IL22RA2: variants seen among roughly 807,000 people sequenced by gnomAD.
IL22RA2 encodes interleukin-22 receptor subunit alpha-2.
Under a neutral mutation model 30.7 loss-of-function variants are expected in IL22RA2, and 39 were observed. The observed-to-expected ratio is 1.27, with a 90% CI of 0.98 to 1.66. IL22RA2 has a LOEUF of 1.66. Among genes scored for constraint, IL22RA2 ranks in the 40% most tolerant of loss-of-function variants. The pLI is 0.00. For missense variants in IL22RA2, 315 were observed against 312.7 expected (o/e 1.01, Z -0.05); for synonymous variants, 103 against 105.0 (o/e 0.98, Z 0.11).
At position 137,143,938 on chromosome 6, in the gene IL22RA2, C is replaced by A. The variant is rs1778123238; in HGVS notation, c.*1686G>T. ...ACTTGCCTAAGCACAAAAGCAAAAA[C>A]AGAGCAAGGCAAACAATATACAAAC... On this transcript the variant is annotated 3_prime_UTR_variant, in exon 7 of 7. Transcript: ENST00000296980. 1 of 152,076 alleles carries A rather than the reference C, an allele frequency of 6.6e-6. No homozygotes were observed. Among genetic ancestry groups the A allele is most frequent in the Non-Finnish European group, 1.5e-5 (1 of 68,004 alleles). 9.4% of individuals were successfully genotyped at this position (152,076 alleles called of 1,614,324 possible).
chr6:137,162,368 G>A lies in IL22RA2; in HGVS notation c.-65-554C>T, dbSNP rs369810274. ...CTGGCTCTCCACGGGGCTCCCTGCCGTACTCTTCAGCCTTTCCCACTCCAT... is the reference window on the plus strand; with the variant it reads ...CTGGCTCTCCACGGGGCTCCCTGCCATACTCTTCAGCCTTTCCCACTCCAT... On this transcript the variant is annotated intron_variant, in intron 1 of 6. Transcript: ENST00000296980. Among the ~76,000 whole-genome samples, 28 of 152,204 alleles carry A rather than the reference G, an allele frequency of 1.8e-4. 1 individual carries two copies. The highest frequency in any genetic ancestry group is 5.8e-4 in the East Asian group (3 of 5,190).
At chr6:137,146,506 CT>C (rs1562267048) in intron 6 of IL22RA2, among the ~76,000 whole-genome samples, 2 of 152,186 alleles carry the variant, frequency 1.3e-5, no homozygotes, top group African/African-American at 4.8e-5. Flanking sequence ...TGCCGGCACT[CT>C]ACGTCCTGCC....
intron 4 of IL22RA2, among the ~76,000 whole-genome samples, chr6:137,155,762 G>A (rs781676365): frequency 3.3e-5 from 5 of 152,104 alleles, no homozygotes; most frequent in Non-Finnish European, 7.4e-5. Context: ...CTGTCTTGCT[G>A]GAAGATAAAC....
Position 137,145,342 on chromosome 6 carries a change from G to T in IL22RA2, c.*282C>A. ...TAGAAGAATGAAGGTTGTTATTAGGGATGTTACATTCAGAAATAAAGTTCT... is the reference window on the plus strand; with the variant it reads ...TAGAAGAATGAAGGTTGTTATTAGGTATGTTACATTCAGAAATAAAGTTCT... On this transcript the variant is annotated 3_prime_UTR_variant, in exon 7 of 7. Coordinates refer to ENST00000296980, the MANE Select transcript of IL22RA2 (RefSeq NM_052962.3). 1 of 255,118 alleles carries T rather than the reference G, an allele frequency of 3.9e-6. No individual in the cohort carries two copies. Among genetic ancestry groups the T allele is most frequent in the Non-Finnish European group, 7.4e-6 (1 of 135,790 alleles). 15.8% of individuals were successfully genotyped at this position (255,118 alleles called of 1,614,324 possible). A position where few individuals can be genotyped will look rare whatever the true frequency, so the allele number is the denominator to read the frequency against.
chr6:137,169,824 G>A (rs547780551), intron 1 of IL22RA2, among the ~76,000 whole-genome samples: 1 of 152,308 alleles, frequency 6.6e-6, no homozygotes, highest in African/African-American at 2.4e-5. Context: ...AGCTTCAGAA[G>A]GGGGTTTGTG....
intron 5 of IL22RA2, among the ~76,000 whole-genome samples, chr6:137,153,223 T>A (rs1488168852): frequency 6.6e-6 from 1 of 152,142 alleles, no homozygotes; most frequent in Non-Finnish European, 1.5e-5. Flanking sequence ...CTTAAGTTAA[T>A]GTGAAAGGAG....
At chr6:137,164,279 T>G (rs1778583886) in intron 1 of IL22RA2, among the ~76,000 whole-genome samples, 1 of 152,124 alleles carries the variant, frequency 6.6e-6, no homozygotes, top group Non-Finnish European at 1.5e-5. Flanking sequence ...GGGAGATAAT[T>G]GGCCGAGTGT....
At position 137,158,502 on chromosome 6, in the gene IL22RA2, A is replaced by G; in HGVS notation, c.62-20T>C. 1 of 1,613,370 alleles carries G rather than the reference A, an allele frequency of 6.2e-7. No individual in the cohort carries two copies. Among genetic ancestry groups the G allele is most frequent in the Non-Finnish European group, 8.5e-7 (1 of 1,179,560 alleles). On this transcript the variant is annotated intron_variant, in intron 2 of 6. Coordinates refer to ENST00000296980, the MANE Select transcript of IL22RA2 (RefSeq NM_052962.3). ...GAGTTCCTAAGATAATAAGAGAAGG[A>G]AGAACATTGAACGTTGCTTGGAGCA... is the stretch of plus-strand genomic sequence containing the variant.
chr6:137,162,660 A>C (rs539099637), intron 1 of IL22RA2, among the ~76,000 whole-genome samples: 2 of 152,302 alleles, frequency 1.3e-5, no homozygotes, highest in Non-Finnish European at 2.9e-5. Context: ...AGAGATACTA[A>C]AATTATACAT....
chr6:137,158,834 C>A (rs1406135489), intron 2 of IL22RA2, among the ~76,000 whole-genome samples: 2 of 152,054 alleles, frequency 1.3e-5, no homozygotes, highest in Non-Finnish European at 2.9e-5. Flanking sequence ...ACACTAAGAC[C>A]ACCAACCATC....
chr6:137,158,470 G>A lies in IL22RA2; in HGVS notation c.74C>T (p.Thr25Met), dbSNP rs761065579. The change falls in exon 3 of 7, where the codon ACG becomes ATG. Residue 25 changes from threonine to methionine, a missense_variant. Thr to Met is a moderately conservative substitution (Grantham distance 81). Transcript: ENST00000296980. ...FLTGVAGTQS[T>M]HESLKPQRVQ... ...CCTCTGAGGCTTCAGAGACTCATGC[G>A]TTGACTGAGTTCCTAAGATAATAAG... The A allele has an allele frequency of 5.5e-5, 88 of 1,613,840 alleles. No homozygotes were observed. The highest frequency in any genetic ancestry group is 6.8e-5 in the Non-Finnish European group (80 of 1,179,894).
Position 137,147,892 on chromosome 6 carries a change from C to G in IL22RA2, c.473-1G>C. 6.2e-7 allele frequency: 1 copy of G among 1,605,942 alleles called. No homozygotes were observed. Among genetic ancestry groups the G allele is most frequent in the Non-Finnish European group, 8.5e-7 (1 of 1,176,820 alleles). On this transcript the variant is annotated splice_acceptor_variant, in intron 5 of 6. Transcript: ENST00000296980. LOFTEE classifies it high-confidence loss of function. Reference sequence around the variant, plus strand: ...TTCATGACTGGAGGATCTATTTTTGCTGAAGAAAAAACATAAAAATTTGAC... The same window carrying G: ...TTCATGACTGGAGGATCTATTTTTGGTGAAGAAAAAACATAAAAATTTGAC...
Position 137,156,853 on chromosome 6 carries a change from T to C in IL22RA2, c.199A>G (p.Met67Val), listed in dbSNP as rs757966950. ...SSVYFVQYKIMFSCSMKSSHQ... is the reference protein window; with the variant it reads ...SSVYFVQYKIVFSCSMKSSHQ... ...GAGCTTTTCATGCTGCATGAGAACATGCTAGAGAAGGTCAATGGGGAAAAC... is the reference window on the plus strand; with the variant it reads ...GAGCTTTTCATGCTGCATGAGAACACGCTAGAGAAGGTCAATGGGGAAAAC... Residue 67 changes from methionine to valine, a missense_variant and splice_region_variant, in exon 4 of 7, where the codon ATG becomes GTG. By Grantham distance (21) the Met-to-Val change is conservative. Coordinates refer to ENST00000296980, the MANE Select transcript of IL22RA2 (RefSeq NM_052962.3). 2 of 1,610,870 alleles carry C rather than the reference T, an allele frequency of 1.2e-6. No homozygotes were observed. Among genetic ancestry groups the C allele is most frequent in the Non-Finnish European group, 1.7e-6 (2 of 1,177,286 alleles).
chr6:137,159,765 T>C (rs1273287746), intron 2 of IL22RA2, among the ~76,000 whole-genome samples: 2 of 152,212 alleles, frequency 1.3e-5, no homozygotes, highest in Non-Finnish European at 2.9e-5. Flanking sequence ...TCCCTTTTCC[T>C]GGTCTGCTCT....
intron 1 of IL22RA2, among the ~76,000 whole-genome samples, chr6:137,173,151 C>T (rs1293261188): frequency 6.6e-6 from 1 of 152,196 alleles, no homozygotes; most frequent in East Asian, 1.9e-4. Context: ...GTGGGTGGAT[C>T]ATTTGAGGTG....
intron 1 of IL22RA2, among the ~76,000 whole-genome samples, chr6:137,163,650 C>T (rs1406119554): frequency 6.6e-6 from 1 of 152,156 alleles, no homozygotes; most frequent in Non-Finnish European, 1.5e-5. Flanking sequence ...GGAAGGGGAG[C>T]CTGGTCACCT....
intron 1 of IL22RA2, among the ~76,000 whole-genome samples, chr6:137,169,302 G>T (rs1023874025): frequency 6.6e-6 from 1 of 152,144 alleles, no homozygotes; most frequent in Non-Finnish European, 1.5e-5. Context: ...CCTTTTTGCA[G>T]TTCCCAACAC....
At chr6:137,149,453 A>G (rs1266435186) in intron 5 of IL22RA2, among the ~76,000 whole-genome samples, 2 of 152,346 alleles carry the variant, frequency 1.3e-5, no homozygotes, top group Non-Finnish European at 2.9e-5. Context: ...CTAATTATGC[A>G]TGCAAGAAAC....
chr6:137,159,667 C>A (rs770179909), intron 2 of IL22RA2, among the ~76,000 whole-genome samples: 1 of 152,136 alleles, frequency 6.6e-6, no homozygotes, highest in African/African-American at 2.4e-5. Context: ...TCTTCTGTCA[C>A]CCCGACCCCT....
Sources: allele counts gnomAD v4.1 joint callset (sites outside exome capture counted in the v4.1 genomes callset), GRCh38; gene constraint gnomAD v4.1.1; transcripts MANE v1.5; gene names NCBI Gene and HGNC (gene_info 2026-07-23, HGNC 2026-07-21).